Variants in GTF3C2 observed in about 807,000 individuals in gnomAD.
The protein encoded by GTF3C2 is general transcription factor 3C polypeptide 2.
A neutral mutation model predicts 117.4 loss-of-function variants in GTF3C2; 17 were observed. The observed-to-expected ratio is 0.14, with a 90% CI of 0.10 to 0.22. The LOEUF is 0.22. Ranked by LOEUF, GTF3C2 falls within the 10% of genes least tolerant of loss-of-function variation. The pLI is 1.00. For synonymous variants in GTF3C2, 437 were observed against 427.0 expected (o/e 1.02, Z -0.29); for missense variants, 888 against 1,143.6 (o/e 0.78, Z 3.22).
intron 12 of GTF3C2, among the ~76,000 whole-genome samples, chr2:27,332,802 G>A (rs1340913236): frequency 2.0e-5 from 3 of 151,708 alleles, no homozygotes; most frequent in Non-Finnish European, 2.9e-5. Flanking sequence ...TGCAACCTCC[G>A]TCTCCCAGCT....
At chr2:27,353,162 A>C (rs1005108975) in intron 1 of GTF3C2, among the ~76,000 whole-genome samples, 10 of 152,274 alleles carry the variant, frequency 6.6e-5, no homozygotes, top group African/African-American at 2.2e-4. Context: ...TGGGAGACTG[A>C]GGTGAGCAGA....
At chr2:27,328,223 T>C (rs1680154395) in intron 16 of GTF3C2, 34 bp from the exon 17 acceptor site, 1 of 1,494,566 alleles carries the variant, frequency 6.7e-7, no homozygotes, top group South Asian at 1.2e-5. Flanking sequence ...GGTTCTATAA[T>C]ACTCAAGACA....
intron 3 of GTF3C2, 70 bp from the exon 4 acceptor site, chr2:27,342,303 AT>A: frequency 7.7e-7 from 1 of 1,296,564 alleles, no homozygotes; most frequent in Non-Finnish European, 1.1e-6. Context: ...GACATGGTTG[AT>A]TTTTATCTCA....
At chr2:27,345,594 A>G (rs72660247) in intron 1 of GTF3C2, among the ~76,000 whole-genome samples, 6,862 of 151,948 alleles carry the variant, frequency 0.045, 497 homozygotes, top group African/African-American at 0.16. Flanking sequence ...CTCTGTCTTT[A>G]AAAAAAAGAA....
intron 10 of GTF3C2, 31 bp downstream of exon 10, chr2:27,335,567 G>A: frequency 4.0e-6 from 5 of 1,240,860 alleles, no homozygotes; most frequent in Non-Finnish European, 5.8e-6. Flanking sequence ...CACCACTACA[G>A]CAGCCCCATT....
intron 1 of GTF3C2, among the ~76,000 whole-genome samples, chr2:27,348,220 T>C (rs896218767): frequency 2.7e-5 from 4 of 148,434 alleles, no homozygotes; most frequent in African/African-American, 1.0e-4. Context: ...TGAGCCAAGA[T>C]AGTGCCATTG....
chr2:27,326,780 C>T (rs1455877781), exon 19 of GTF3C2: 7 of 1,613,982 alleles, frequency 4.3e-6, no homozygotes, highest in Non-Finnish European at 5.9e-6. Context: ...TTTCAAGCTG[C>T]ATACGGTGGC....
chr2:27,348,189 C>T (rs1444552688), intron 1 of GTF3C2, among the ~76,000 whole-genome samples: 2 of 151,922 alleles, frequency 1.3e-5, no homozygotes, highest in South Asian at 2.1e-4. Flanking sequence ...ACTGCTTGAA[C>T]CCGGGAGGCA....
intron 5 of GTF3C2, 73 bp from the exon 6 acceptor site, chr2:27,337,631 G>T (rs1277922500): frequency 2.9e-6 from 3 of 1,029,452 alleles, no homozygotes; most frequent in African/African-American, 1.6e-5. Flanking sequence ...ACTTTCTGTG[G>T]GGATGGAAAT....
chr2:27,331,954 A>C (rs957191501), intron 12 of GTF3C2, among the ~76,000 whole-genome samples: 16 of 152,058 alleles, frequency 1.1e-4, no homozygotes, highest in African/African-American at 3.6e-4. Context: ...AAAACAAAAC[A>C]AAACCTAATA....
At chr2:27,343,226 T>C in intron 2 of GTF3C2, 79 bp from the exon 3 acceptor site, 1 of 1,531,732 alleles carries the variant, frequency 6.5e-7, no homozygotes, top group Non-Finnish European at 8.9e-7. Flanking sequence ...TACCCAGGTT[T>C]GTAAGATCCT....
chr2:27,343,630 C>T, intron 1 of GTF3C2, 52 bp from the exon 2 acceptor site: 1 of 1,456,328 alleles, frequency 6.9e-7, no homozygotes, highest in South Asian at 1.2e-5. Flanking sequence ...TTTGTACTAG[C>T]TCAGATTTTT....
exon 8 of GTF3C2, chr2:27,336,400 C>T (rs954981904): frequency 1.9e-6 from 3 of 1,604,544 alleles, no homozygotes; most frequent in South Asian, 1.1e-5. Flanking sequence ...TCCCAGCGCT[C>T]TGGATGTGCT....
At chr2:27,345,427 C>T (rs1246190733) in intron 1 of GTF3C2, among the ~76,000 whole-genome samples, 2 of 151,860 alleles carry the variant, frequency 1.3e-5, no homozygotes, top group African/African-American at 4.8e-5. Flanking sequence ...ACCCCATCTC[C>T]ACTAAAAATA....
intron 3 of GTF3C2, chr2:27,342,507 C>A (rs1680771125): frequency 3.7e-6 from 2 of 539,908 alleles, no homozygotes; most frequent in African/African-American, 3.8e-5. Flanking sequence ...AGTCAAAGAA[C>A]ACAGAGGGCA....
chr2:27,353,402 C>T (rs1441932300), intron 1 of GTF3C2, among the ~76,000 whole-genome samples: 1 of 149,762 alleles, frequency 6.7e-6, no homozygotes, highest in African/African-American at 2.5e-5. Flanking sequence ...AAAAAAGGAG[C>T]AAACAACCAT....
chr2:27,355,940 A>G, intron 1 of GTF3C2: 4 of 432,764 alleles, frequency 9.2e-6, no homozygotes, highest in South Asian at 6.9e-5. Flanking sequence ...GGTCGAGACT[A>G]ATGCATTTAA....
At chr2:27,330,852 C>T (rs1235734852) in intron 12 of GTF3C2, among the ~76,000 whole-genome samples, 1 of 152,128 alleles carries the variant, frequency 6.6e-6, no homozygotes, top group Non-Finnish European at 1.5e-5. Context: ...ATCCCTGCTA[C>T]TCAGGAGGCT....
intron 1 of GTF3C2, among the ~76,000 whole-genome samples, chr2:27,344,234 G>A (rs1004313425): frequency 6.6e-6 from 1 of 152,022 alleles, no homozygotes; most frequent in African/African-American, 2.4e-5. Context: ...ATGTGGGCCA[G>A]GCTGGTCTCA....
Sources: gnomAD v4.1 joint callset for allele counts (sites outside exome capture counted in the v4.1 genomes callset) on GRCh38, gnomAD v4.1.1 for gene constraint, MANE v1.5 for transcripts, NCBI Gene and HGNC (gene_info 2026-07-23, HGNC 2026-07-21) for gene names.